Variants in IMPG1 observed in about 807,000 individuals in gnomAD.
IMPG1 encodes the protein interphotoreceptor matrix proteoglycan 1.
A neutral mutation model predicts 92.0 loss-of-function variants in IMPG1; 85 were observed. The observed-to-expected ratio is 0.92, with a 90% CI of 0.78 to 1.11. The LOEUF is 1.11. IMPG1 is among the 50% of genes least tolerant of loss of function. The pLI, the probability that IMPG1 is intolerant of heterozygous loss-of-function variation, is 0.00. For missense variants in IMPG1, 1,022 were observed against 956.0 expected (o/e 1.07, Z -0.91); for synonymous variants, 367 against 334.1 (o/e 1.10, Z -1.08).
At chr6:76,015,981 A>T (rs560803830) in intron 7 of IMPG1, among the ~76,000 whole-genome samples, 2 of 152,294 alleles carry the variant, frequency 1.3e-5, no homozygotes, top group South Asian at 4.1e-4. Context: ...TTGCCAGACA[A>T]TAAAAGTGGC....
intron 5 of IMPG1, among the ~76,000 whole-genome samples, chr6:76,024,534 G>A (rs1157389149): frequency 2.0e-5 from 3 of 152,130 alleles, no homozygotes; most frequent in Non-Finnish European, 2.9e-5. Context: ...ATATTGATAA[G>A]TGCTGCAATG....
chr6:76,034,873 T>C (rs1282637944), intron 2 of IMPG1, 86 bp from the exon 3 acceptor site: 4 of 1,164,350 alleles, frequency 3.4e-6, no homozygotes, highest in Middle Eastern at 2.0e-4. Flanking sequence ...GGAAAATTAT[T>C]TCATGGCTTA....
intron 1 of IMPG1, 101 bp downstream of exon 1, chr6:76,072,321 G>T: frequency 1.6e-6 from 1 of 636,890 alleles, no homozygotes. Flanking sequence ...CTATATACTA[G>T]CCCGTGAGAT....
At chr6:76,034,958 A>G (rs1303649880) in intron 2 of IMPG1, among the ~76,000 whole-genome samples, 171 bp from the exon 3 acceptor site, 1 of 152,094 alleles carries the variant, frequency 6.6e-6, no homozygotes, top group Non-Finnish European at 1.5e-5. Flanking sequence ...ACTATATGCT[A>G]TGGAGAAAAA....
chr6:76,033,447 A>G (rs1202553170), intron 4 of IMPG1, among the ~76,000 whole-genome samples: 1 of 152,242 alleles, frequency 6.6e-6, no homozygotes. Flanking sequence ...AAGCCATTGA[A>G]CAAGACTCAA....
At chr6:76,047,433 G>A (rs886438897) in intron 1 of IMPG1, among the ~76,000 whole-genome samples, 3 of 152,122 alleles carry the variant, frequency 2.0e-5, no homozygotes, top group East Asian at 1.9e-4. Flanking sequence ...TTCACTAAGC[G>A]ACTACTGTTT....
At chr6:76,039,706 A>T (rs1211523867) in intron 2 of IMPG1, among the ~76,000 whole-genome samples, 1 of 152,124 alleles carries the variant, frequency 6.6e-6, no homozygotes, top group Non-Finnish European at 1.5e-5. Context: ...AGGGAAATAG[A>T]GGGAGAGACA....
At chr6:75,947,133 G>C (rs1454550328) in intron 14 of IMPG1, among the ~76,000 whole-genome samples, 181 bp downstream of exon 14, 1 of 152,170 alleles carries the variant, frequency 6.6e-6, no homozygotes, top group African/African-American at 2.4e-5. Flanking sequence ...ATGTTAACTT[G>C]CATGTCTTTG....
At chr6:75,967,034 C>T (rs1312224795) in intron 12 of IMPG1, among the ~76,000 whole-genome samples, 2 of 152,070 alleles carry the variant, frequency 1.3e-5, no homozygotes, top group African/African-American at 2.4e-5. Context: ...AAAAAATTAG[C>T]GGGGTGTGGT....
rs1033567865 is a variant in IMPG1 at position 75,986,573 on chromosome 6, C to T, written c.1291+16345G>A. On this transcript the variant is annotated intron_variant, in intron 12 of 16. Transcript: ENST00000369950. ...AAAAATTTGAAATTGGGAAAATGGCCGTATAGGAGAATGATGCTGGTAATA... is the reference window on the plus strand; with the variant it reads ...AAAAATTTGAAATTGGGAAAATGGCTGTATAGGAGAATGATGCTGGTAATA... Among the ~76,000 whole-genome samples, 7 of 151,898 alleles carry T rather than the reference C, an allele frequency of 4.6e-5. No homozygotes were observed. The South Asian group carries it at 6.2e-4, about 14-fold the overall frequency.
chr6:75,944,632 T>A lies in IMPG1; in HGVS notation c.2044+2682A>T, dbSNP rs966340182. ...GTTTTCAATGTATATAAAATTTAGATTTTGTCACTCTCCAGGTATCTGGTA... is the reference window on the plus strand; with the variant it reads ...GTTTTCAATGTATATAAAATTTAGAATTTGTCACTCTCCAGGTATCTGGTA... On this transcript the variant is annotated intron_variant, in intron 14 of 16. Transcript: ENST00000369950. Among the ~76,000 whole-genome samples, 6 of 152,180 alleles carry A rather than the reference T, an allele frequency of 3.9e-5. No individual in the cohort carries two copies. In the East Asian group the frequency reaches 1.2e-3, roughly 29 times the overall value.
chr6:75,968,380 T>C (rs59139225), intron 12 of IMPG1, among the ~76,000 whole-genome samples: 2,006 of 152,248 alleles, frequency 0.013, 36 homozygotes, highest in African/African-American at 0.046. Flanking sequence ...TTTCAGTTCC[T>C]TTTTTATTCT....
intron 12 of IMPG1, among the ~76,000 whole-genome samples, chr6:75,972,373 C>G (rs1782437200): frequency 6.6e-6 from 1 of 152,104 alleles, no homozygotes; most frequent in South Asian, 2.1e-4. Flanking sequence ...AAATAGCTAC[C>G]AAGAACACCC....
intron 1 of IMPG1, among the ~76,000 whole-genome samples, chr6:76,047,176 C>T (rs1352167528): frequency 6.6e-6 from 1 of 152,204 alleles, no homozygotes; most frequent in Non-Finnish European, 1.5e-5. Context: ...AGTCCTCAGA[C>T]AGAACTATGT....
intron 11 of IMPG1, among the ~76,000 whole-genome samples, chr6:76,003,570 G>C (rs1482763233): frequency 6.6e-6 from 1 of 151,882 alleles, no homozygotes; most frequent in Non-Finnish European, 1.5e-5. Flanking sequence ...ATTCTTTTCA[G>C]TTCATGAAAA....
chr6:76,012,413 T>C (rs1413998276), intron 7 of IMPG1, among the ~76,000 whole-genome samples: 1 of 152,216 alleles, frequency 6.6e-6, no homozygotes, highest in East Asian at 1.9e-4. Flanking sequence ...ACTTTCTACT[T>C]AAACATAAGG....
intron 12 of IMPG1, among the ~76,000 whole-genome samples, chr6:75,999,014 T>C (rs548161427): frequency 6.6e-6 from 1 of 152,236 alleles, no homozygotes; most frequent in South Asian, 2.1e-4. Context: ...GCAGTACTAC[T>C]CCTGACTTAT....
chr6:75,971,780 A>G (rs1357747977), intron 12 of IMPG1, among the ~76,000 whole-genome samples: 3 of 152,200 alleles, frequency 2.0e-5, no homozygotes, highest in Non-Finnish European at 4.4e-5. Flanking sequence ...GAATATTTAC[A>G]GTAGTGCAAA....
chr6:75,956,518 T>C (rs1261915092), intron 12 of IMPG1, among the ~76,000 whole-genome samples: 1 of 152,190 alleles, frequency 6.6e-6, no homozygotes, highest in African/African-American at 2.4e-5. Context: ...TAGCGGTCTA[T>C]TTTGTTAATC....
Sources: allele counts gnomAD v4.1 joint callset (sites outside exome capture counted in the v4.1 genomes callset), GRCh38; gene constraint gnomAD v4.1.1; transcripts MANE v1.5; gene names NCBI Gene and HGNC (gene_info 2026-07-23, HGNC 2026-07-21).